RPS6KA1: variants seen among roughly 807,000 people sequenced by gnomAD.
RPS6KA1 encodes ribosomal protein S6 kinase A1.
In RPS6KA1, 48 loss-of-function variants were observed where a neutral mutation model predicts 91.3. The ratio of observed to expected loss-of-function variants is 0.53; its 90% CI spans 0.42 to 0.67. RPS6KA1 has a LOEUF of 0.67. RPS6KA1 is among the 30% of genes least tolerant of loss of function. The probability of loss-of-function intolerance (pLI) is 0.00; values close to 1 mark genes in which losing one functional copy is unlikely to be tolerated. For synonymous variants in RPS6KA1, 359 were observed against 384.7 expected, an observed-to-expected ratio of 0.93 and a Z score of 0.78; for missense variants, 719 against 960.5, an observed-to-expected ratio of 0.75 and a Z score of 3.32.
In RPS6KA1 at chr1:26,572,198, C is replaced by T; in HGVS notation, c.1852C>T (p.Pro618Ser). Residue 618 changes from proline to serine, a missense_variant, in exon 20 of 22, where the codon CCC becomes TCC. Pro to Ser is a moderately conservative substitution (Grantham distance 74). Coordinates refer to ENST00000374168, the MANE Select transcript of RPS6KA1 (RefSeq NM_002953.4). ...LAGYTPFANG[P>S]SDTPEEILTR... ...CAGATATACTCCATTTGCCAACGGT[C>T]CCAGTGACACACCAGAGGAAATCCT... 2 of 1,613,952 alleles carry T rather than the reference C, an allele frequency of 1.2e-6. No homozygotes were observed. The highest frequency in any genetic ancestry group is 1.7e-6 in the Non-Finnish European group (2 of 1,179,944).
chr1:26,570,845 A>G (rs2076242740), intron 17 of RPS6KA1, among the ~76,000 whole-genome samples: 1 of 152,226 alleles, frequency 6.6e-6, no homozygotes, highest in African/African-American at 2.4e-5. Flanking sequence ...AAATAGGGCC[A>G]GGCGTGGTGG....
At chr1:26,572,635 G>A (rs777769438) in intron 20 of RPS6KA1, among the ~76,000 whole-genome samples, 1 of 152,178 alleles carries the variant, frequency 6.6e-6, no homozygotes, top group Non-Finnish European at 1.5e-5. Flanking sequence ...ATAGGCGGAC[G>A]CTCTTGGCCA....
rs1570438862 is a variant in RPS6KA1 at position 26,551,795 on chromosome 1, C to G, written c.468+72C>G. The stretch of plus-strand genomic sequence containing the variant: ...ACGACAAGTCCTCCCATCCCAGGGC[C>G]CTGTACAGAATGTGTTTGGTATGGC... On this transcript the variant is annotated intron_variant, in intron 6 of 21. Coordinates refer to ENST00000374168, the MANE Select transcript of RPS6KA1 (RefSeq NM_002953.4). This position sits in a 1 kb window ranked among gnomAD's most constrained non-coding sequence, Gnocchi z 4.5. 9.0e-6 allele frequency: 12 copies of G among 1,337,870 alleles called. No individual in the cohort carries two copies. The East Asian group carries it at 2.5e-4, about 28-fold the overall frequency. The allele number at this position is 1,337,870 out of a possible 1,614,324, so 82.9% of individuals were successfully genotyped here. A position where few individuals can be genotyped will look rare whatever the true frequency, so the allele number is the denominator to read the frequency against.
Position 26,560,740 on chromosome 1 carries a change from G to T in RPS6KA1, c.1230G>T (p.Lys410Asn), listed in dbSNP as rs1251871241. 1 of 1,614,214 alleles carries T rather than the reference G, an allele frequency of 6.2e-7. No individual in the cohort carries two copies. Among genetic ancestry groups the T allele is most frequent in the Non-Finnish European group, 8.5e-7 (1 of 1,180,026 alleles). Residue 410 changes from lysine to asparagine, a missense_variant, in exon 15 of 22, where the codon AAG becomes AAT. This residue lies in a region of RPS6KA1 where 228 missense variants were observed against 247.6 expected (regional missense o/e 0.92). Coordinates refer to ENST00000374168, the MANE Select transcript of RPS6KA1 (RefSeq NM_002953.4). ...LHSVVQQLHG[K>N]NLVFSDGYVV... ...GTCTCCTACAGCAACTCCATGGGAA[G>T]AACCTGGTTTTTAGTGACGGCTACG...
chr1:26,557,806 C>A (rs1015765483), intron 13 of RPS6KA1, among the ~76,000 whole-genome samples: 2 of 135,786 alleles, frequency 1.5e-5, no homozygotes, highest in Non-Finnish European at 3.2e-5. Context: ...CCCCTCCCCT[C>A]CCCTTCCCTC....
At chr1:26,530,128 C>G (rs2075857546) in intron 1 of RPS6KA1, 145 bp downstream of exon 1, 2 of 434,204 alleles carry the variant, frequency 4.6e-6, no homozygotes, top group East Asian at 4.3e-5. Flanking sequence ...CTGTCCGGCT[C>G]CACCCCCCTA....
At chr1:26,562,611 T>G (rs998125080) in intron 17 of RPS6KA1, among the ~76,000 whole-genome samples, 1 of 152,110 alleles carries the variant, frequency 6.6e-6, no homozygotes, top group Non-Finnish European at 1.5e-5. Flanking sequence ...GACGGTGAGG[T>G]AGGAAAGTTC....
At chr1:26,530,548 T>C (rs1557485028) in intron 1 of RPS6KA1, among the ~76,000 whole-genome samples, 1 of 152,210 alleles carries the variant, frequency 6.6e-6, no homozygotes, top group Non-Finnish European at 1.5e-5. Context: ...GACACCTGTG[T>C]GCCCTACCCC....
At position 26,551,110 on chromosome 1, in the gene RPS6KA1, G is replaced by A. The variant is rs547757202; in HGVS notation, c.308-287G>A. ...GTTGCTCAGACTGGCTGATTAACAG[G>A]TCTTGATGGGGTCTGGTGGGAAAAG... On this transcript the variant is annotated intron_variant, in intron 4 of 21. Transcript: ENST00000374168. The surrounding 1 kb of genome is among the most constrained non-coding windows in gnomAD (Gnocchi z 4.5). 3.9e-4 allele frequency among the ~76,000 whole-genome samples: 59 copies of A among 152,308 alleles called. 1 individual carries two copies. The South Asian group carries it at 0.012, about 30-fold the overall frequency.
Position 26,574,747 on chromosome 1 carries a change from T to G in RPS6KA1, c.*546T>G. On this transcript the variant is annotated 3_prime_UTR_variant, in exon 22 of 22. Transcript: ENST00000374168. The surrounding 1 kb of genome is among the most constrained non-coding windows in gnomAD (Gnocchi z 4.3). ...TGCTGGGAGTTCTAGAACCACTTCC[T>G]GCTACAGGAGGGGTCTCATGTCCTG... 2 of 290,030 alleles carry G rather than the reference T, an allele frequency of 6.9e-6. No individual in the cohort carries two copies. Among genetic ancestry groups the G allele is most frequent in the South Asian group, 5.7e-5 (2 of 34,888 alleles). 18.0% of individuals were successfully genotyped at this position (290,030 alleles called of 1,614,324 possible). A position where few individuals can be genotyped will look rare whatever the true frequency, so the allele number is the denominator to read the frequency against.
intron 1 of RPS6KA1, 36 bp downstream of exon 1, chr1:26,530,019 C>G (rs1375501199): frequency 7.7e-7 from 1 of 1,292,850 alleles, no homozygotes; most frequent in Admixed American, 3.9e-5. Flanking sequence ...CGCCCGCGGC[C>G]GGCGAGCCCG....
rs774051532 is a variant in RPS6KA1, at chr1:26,558,850, C to G, written c.1128C>G (p.Phe376Leu). The change falls in exon 14 of 22, where the codon TTC becomes TTG. Residue 376 changes from phenylalanine (F) to leucine (L), a missense_variant. Around this residue, in one of 5 missense-constraint regions of RPS6KA1, gnomAD observed 228 missense variants for 247.6 expected, o/e 0.92. Coordinates refer to ENST00000374168, the MANE Select transcript of RPS6KA1 (RefSeq NM_002953.4). The surrounding 1 kb of genome is among the most constrained non-coding windows in gnomAD (Gnocchi z 4.0). Reference protein sequence around the residue: ...IPPSAGAHQLFRGFSFVATGL... With the variant: ...IPPSAGAHQLLRGFSFVATGL... Reference sequence around the variant, plus strand: ...CCAGCGCTGGGGCCCATCAGCTGTTCCGGGGCTTCAGCTTCGTGGCCACCG... The same window carrying G: ...CCAGCGCTGGGGCCCATCAGCTGTTGCGGGGCTTCAGCTTCGTGGCCACCG... 1 of 1,613,662 alleles carries G rather than the reference C, an allele frequency of 6.2e-7. No homozygotes were observed. Among genetic ancestry groups the G allele is most frequent in the East Asian group, 2.2e-5 (1 of 44,878 alleles).
Position 26,561,494 on chromosome 1 carries a change from G to A in RPS6KA1, c.1432-11G>A, listed in dbSNP as rs1311159117. Reference sequence around the variant, plus strand: ...CTGGGGAGAAGAGCCTGATGGTGAGGTCTTCGGCAGGTGTATGATGATGGC... The same window carrying A: ...CTGGGGAGAAGAGCCTGATGGTGAGATCTTCGGCAGGTGTATGATGATGGC... On this transcript the variant is annotated splice_polypyrimidine_tract_variant and intron_variant, in intron 16 of 21. Coordinates refer to ENST00000374168, the MANE Select transcript of RPS6KA1 (RefSeq NM_002953.4). This position sits in a 1 kb window ranked among gnomAD's most constrained non-coding sequence, Gnocchi z 5.7. The A allele has an allele frequency of 6.2e-7, 1 of 1,614,046 alleles. No individual in the cohort carries two copies. Among genetic ancestry groups the A allele is most frequent in the Non-Finnish European group, 8.5e-7 (1 of 1,180,024 alleles).
chr1:26,571,573 T>A lies in RPS6KA1; in HGVS notation c.1715T>A (p.Met572Lys). Reference sequence around the variant, plus strand: ...CTGCGGGCTGAGAATGGGCTCCTCATGACACCTTGCTACACAGCCAACTTT... The same window carrying A: ...CTGCGGGCTGAGAATGGGCTCCTCAAGACACCTTGCTACACAGCCAACTTT... ...KQLRAENGLL[M>K]TPCYTANFVA... is the part of the protein sequence containing the mutation. The change falls in exon 18 of 22, where the codon ATG (methionine) becomes AAG (lysine). Residue 572 changes from methionine (M) to lysine (K), a missense_variant. By Grantham distance (95) the Met-to-Lys change is moderately conservative. Transcript: ENST00000374168. This position sits in a 1 kb window ranked among gnomAD's most constrained non-coding sequence, Gnocchi z 5.1. 6.2e-7 allele frequency: 1 copy of A among 1,614,184 alleles called. No individual in the cohort carries two copies. The highest frequency in any genetic ancestry group is 8.5e-7 in the Non-Finnish European group (1 of 1,180,028).
chr1:26,545,825 C>A, intron 2 of RPS6KA1: 1 of 1,454,232 alleles, frequency 6.9e-7, no homozygotes, highest in Non-Finnish European at 9.0e-7. Context: ...TGCACATCCG[C>A]CTTGGTCCCG....
Position 26,572,173 on chromosome 1 carries a change from C to A in RPS6KA1, c.1830-3C>A. The A allele has an allele frequency of 6.2e-7, 1 of 1,612,112 alleles. No individual in the cohort carries two copies. Among genetic ancestry groups the A allele is most frequent in the Non-Finnish European group, 8.5e-7 (1 of 1,178,256 alleles). On this transcript the variant is annotated splice_region_variant and splice_polypyrimidine_tract_variant and intron_variant, in intron 19 of 21. Transcript: ENST00000374168. ...TACCCAGACCGTGCGGGCTTTTCTG[C>A]AGATATACTCCATTTGCCAACGGTC...
At position 26,555,734 on chromosome 1, in the gene RPS6KA1, G is replaced by T. The variant is rs1174487727; in HGVS notation, c.916+109G>T. On this transcript the variant is annotated intron_variant, in intron 11 of 21. Transcript: ENST00000374168. This position sits in a 1 kb window ranked among gnomAD's most constrained non-coding sequence, Gnocchi z 4.3. ...GCTGAAAGGGGCCGTTGTCCTTTGT[G>T]TGGGCAGACAATGCCGCGGGCCACC... 24 of 1,114,386 alleles carry T rather than the reference G, an allele frequency of 2.2e-5. No homozygotes were observed. In the East Asian group the frequency reaches 6.2e-4, roughly 29 times the overall value. The allele number at this position is 1,114,386 out of a possible 1,614,324, so 69.0% of individuals were successfully genotyped here.
At position 26,546,930 on chromosome 1, in the gene RPS6KA1, G is replaced by T; in HGVS notation, c.172G>T (p.Asp58Tyr). 6.2e-7 allele frequency: 1 copy of T among 1,614,166 alleles called. No homozygotes were observed. The highest frequency in any genetic ancestry group is 8.5e-7 in the Non-Finnish European group (1 of 1,180,018). Residue 58 changes from aspartate to tyrosine, a missense_variant, in exon 3 of 22, where the codon GAT becomes TAT. Asp to Tyr is a radical substitution (Grantham distance 160). This residue lies in a region of RPS6KA1 where 159 missense variants were observed against 264.5 expected (regional missense o/e 0.60). Transcript: ENST00000374168. ...CGTCAAGGCTGGCTCTGAGAAGGCT[G>T]ATCCATCCCATTTCGAGCTCCTCAA... is the stretch of plus-strand genomic sequence containing the variant. Reference protein sequence around the residue: ...HHVKAGSEKADPSHFELLKVL... With the variant: ...HHVKAGSEKAYPSHFELLKVL...
intron 14 of RPS6KA1, among the ~76,000 whole-genome samples, chr1:26,559,144 A>G (rs1490794866): frequency 6.6e-6 from 1 of 152,192 alleles, no homozygotes; most frequent in Admixed American, 6.5e-5. Flanking sequence ...TTCCCAGCAC[A>G]GAGCCAGGGT....
Sources: gnomAD v4.1 joint callset for allele counts (sites outside exome capture counted in the v4.1 genomes callset) on GRCh38, gnomAD v4.1.1 for gene constraint, gnomAD v4.1.1 regional missense constraint, Gnocchi (gnomAD v3.1) non-coding constraint, MANE v1.5 for transcripts, NCBI Gene and HGNC (gene_info 2026-07-23, HGNC 2026-07-21) for gene names.